HDAC7: variants seen among roughly 807,000 people sequenced by gnomAD.
The protein encoded by HDAC7 is histone deacetylase 7.
HDAC7 carries 26 observed loss-of-function variants against 115.5 expected under a neutral mutation model. That is an observed-to-expected ratio of 0.23 (90% confidence interval 0.16 to 0.31). HDAC7 has a LOEUF of 0.31. Ranked by LOEUF, HDAC7 falls within the 10% of genes least tolerant of loss-of-function variation. HDAC7 has a pLI of 1.00. For synonymous variants in HDAC7, 564 were observed against 550.9 expected, an observed-to-expected ratio of 1.02 and a Z score of -0.33; for missense variants, 1,068 against 1,329.0, an observed-to-expected ratio of 0.80 and a Z score of 3.05.
chr12:47,792,648 A>G (rs1943592570), intron 13 of HDAC7: 2 of 455,936 alleles, frequency 4.4e-6, no homozygotes, highest in Non-Finnish European at 8.8e-6. Flanking sequence ...TGACCCAGGA[A>G]TGCTACTTCT....
At chr12:47,788,781 A>T (rs778567597) in intron 19 of HDAC7, 1 of 157,362 alleles carries the variant, frequency 6.4e-6, no homozygotes, top group African/African-American at 2.4e-5. Context: ...GTTCAAATCC[A>T]TCTCATGACT....
chr12:47,791,482 A>C (rs1943507597), intron 15 of HDAC7, 104 bp downstream of exon 15: 3 of 1,468,688 alleles, frequency 2.0e-6, no homozygotes, highest in Non-Finnish European at 2.8e-6. Flanking sequence ...AGGGACGTCC[A>C]GGGTGCAGGA....
chr12:47,815,118 C>T (rs1428340986), intron 1 of HDAC7, among the ~76,000 whole-genome samples: 2 of 152,198 alleles, frequency 1.3e-5, no homozygotes, highest in Non-Finnish European at 2.9e-5. Context: ...GTGACTGGCT[C>T]AGCAACATGG....
rs190831242 is a variant in HDAC7 at position 47,793,221 on chromosome 12, G to A, written c.1678+148C>T. On this transcript the variant is annotated intron_variant, in intron 13 of 25. Coordinates refer to ENST00000080059, the MANE Select transcript of HDAC7 (RefSeq NM_015401.5). The surrounding 1 kb of genome is among the most constrained non-coding windows in gnomAD (Gnocchi z 4.5). ...CATCGGCCAAATGCAATAACCAGCTGTTCCATGTGCTCCATGGGTACTACG... is the reference window on the plus strand; with the variant it reads ...CATCGGCCAAATGCAATAACCAGCTATTCCATGTGCTCCATGGGTACTACG... 371 of 602,254 alleles carry A rather than the reference G, an allele frequency of 6.2e-4. No homozygotes were observed. The highest frequency in any genetic ancestry group is 8.4e-4 in the Non-Finnish European group (298 of 356,090). The allele number at this position is 602,254 out of a possible 1,614,324, so 37.3% of individuals were successfully genotyped here. A position where few individuals can be genotyped will look rare whatever the true frequency, so the allele number is the denominator to read the frequency against.
intron 1 of HDAC7, among the ~76,000 whole-genome samples, chr12:47,814,396 A>T (rs1489349966): frequency 6.6e-6 from 1 of 152,238 alleles, no homozygotes; most frequent in Non-Finnish European, 1.5e-5. Flanking sequence ...AGGCTAGACC[A>T]GAGGGAAGGG....
rs770895438 is a variant in HDAC7, at chr12:47,789,870, G to C, written c.2034C>G (p.Arg678=). Residue 678 remains arginine, a synonymous_variant, in exon 17 of 26, where the codon CGC becomes CGG. Coordinates refer to ENST00000080059, the MANE Select transcript of HDAC7 (RefSeq NM_015401.5). ...GGTCAGTGACACTGCCAGCGGCCCA[G>C]CGGGCTGCATTGGAGGAATGAAGCT... ...WNELHSSNAA[R]WAAGSVTDLA... The C allele has an allele frequency of 6.2e-7, 1 of 1,613,872 alleles. No homozygotes were observed. Among genetic ancestry groups the C allele is most frequent in the South Asian group, 1.1e-5 (1 of 91,086 alleles).
chr12:47,796,199 G>C lies in HDAC7; in HGVS notation c.795+8C>G. ...CCCCAGGAGAGCCCAGTCTCGGCAA[G>C]GCCTTACCTCCGAGCCCAGGATGGG... On this transcript the variant is annotated splice_region_variant and intron_variant, in intron 8 of 25. Transcript: ENST00000080059. The C allele has an allele frequency of 6.2e-7, 1 of 1,603,632 alleles. No homozygotes were observed. The highest frequency in any genetic ancestry group is 8.5e-7 in the Non-Finnish European group (1 of 1,176,174).
rs953274735 is a variant in HDAC7, at chr12:47,791,268, A to C, written c.1974T>G (p.Gly658=). The C allele has an allele frequency of 6.2e-7, 1 of 1,600,802 alleles. No individual in the cohort carries two copies. Among genetic ancestry groups the C allele is most frequent in the Non-Finnish European group, 8.5e-7 (1 of 1,173,960 alleles). The part of the protein sequence containing the change: ...AQRMFVMLPC[G]GVGVDTDTIW... ...CCCTGGGCACACTTACCCCAACCCC[A>C]CCACAGGGCAGCATCACAAACATCC... Residue 658 remains glycine, a synonymous_variant, in exon 16 of 26, where the codon GGT becomes GGG. Transcript: ENST00000080059.
At chr12:47,788,915 T>C (rs1943321113) in intron 19 of HDAC7, 2 of 263,668 alleles carry the variant, frequency 7.6e-6, no homozygotes, top group Non-Finnish European at 1.5e-5. Flanking sequence ...ATTAGTGGTG[T>C]ACTGATGTTA....
intron 1 of HDAC7, among the ~76,000 whole-genome samples, chr12:47,805,048 C>A (rs1338338776): frequency 1.3e-5 from 2 of 151,830 alleles, no homozygotes; most frequent in Admixed American, 6.6e-5. Flanking sequence ...CGCCCCCCTC[C>A]CGATGCCTCC....
intron 20 of HDAC7, 63 bp downstream of exon 20, chr12:47,787,982 G>A (rs772145562): frequency 9.4e-6 from 15 of 1,592,460 alleles, no homozygotes; most frequent in Non-Finnish European, 1.3e-5. Context: ...TCATGACAGA[G>A]GCAGAGTAAG....
chr12:47,797,373 G>C lies in HDAC7; in HGVS notation c.577+11C>G. 1 of 1,584,442 alleles carries C rather than the reference G, an allele frequency of 6.3e-7. No homozygotes were observed. The highest frequency in any genetic ancestry group is 8.6e-7 in the Non-Finnish European group (1 of 1,161,042). ...CTTTGCCTGAAAGGTCCGCCTGTTT[G>C]TTCAGCTCACCTGTCTTGCGCAGAG... On this transcript the variant is annotated intron_variant, in intron 6 of 25. Coordinates refer to ENST00000080059, the MANE Select transcript of HDAC7 (RefSeq NM_015401.5). The surrounding 1 kb of genome is among the most constrained non-coding windows in gnomAD (Gnocchi z 5.5).
intron 1 of HDAC7, among the ~76,000 whole-genome samples, chr12:47,819,476 C>T (rs1459924936): frequency 6.6e-6 from 1 of 151,998 alleles, no homozygotes; most frequent in African/African-American, 2.4e-5. Flanking sequence ...CCTCCAACTC[C>T]CTCCCTTGGG....
chr12:47,790,346 C>G (rs938579547), intron 16 of HDAC7: 3 of 188,260 alleles, frequency 1.6e-5, no homozygotes, highest in Admixed American at 1.6e-4. Context: ...GGCTGGGAGG[C>G]CCCCCAAACC....
In HDAC7 at chr12:47,798,510, G is replaced by A. The variant is rs969150312; in HGVS notation, c.349+52C>T. 5.2e-6 allele frequency: 8 copies of A among 1,535,962 alleles called. No homozygotes were observed. The highest frequency in any genetic ancestry group is 2.7e-5 in the African/African-American group (2 of 73,488). On this transcript the variant is annotated intron_variant, in intron 4 of 25. Transcript: ENST00000080059. This position sits in a 1 kb window ranked among gnomAD's most constrained non-coding sequence, Gnocchi z 4.3. ...CCCCTCACAAGCCACACAGGCAGCCGCAGGCACCTGGCTGGTGGGGCTGGG... is the reference window on the plus strand; with the variant it reads ...CCCCTCACAAGCCACACAGGCAGCCACAGGCACCTGGCTGGTGGGGCTGGG...
chr12:47,819,743 G>T, intron 1 of HDAC7, 24 bp downstream of exon 1: 2 of 802,096 alleles, frequency 2.5e-6, no homozygotes, highest in Non-Finnish European at 3.1e-6. Flanking sequence ...AGGGCGGGGC[G>T]GGGGGCGGCC....
chr12:47,791,405 G>GC (rs1418266372), intron 15 of HDAC7, 97 bp from the exon 16 acceptor site: 34 of 1,400,488 alleles, frequency 2.4e-5, no homozygotes, highest in Non-Finnish European at 1.9e-5. Context: ...GGTGAGTATT[G>GC]GGGGAGAGAA....
chr12:47,785,578 G>A, intron 23 of HDAC7, 107 bp from the exon 24 acceptor site: 1 of 1,361,030 alleles, frequency 7.3e-7, no homozygotes, highest in East Asian at 2.3e-5. Context: ...CTCTACCTAG[G>A]CCAGGAGATG....
At chr12:47,801,352 C>T (rs1944156378) in intron 2 of HDAC7, among the ~76,000 whole-genome samples, 1 of 152,228 alleles carries the variant, frequency 6.6e-6, no homozygotes, top group Non-Finnish European at 1.5e-5. Context: ...CAGTGTCTCT[C>T]CTAAAATGTC....
Sources: gnomAD v4.1 joint callset for allele counts (sites outside exome capture counted in the v4.1 genomes callset) on GRCh38, gnomAD v4.1.1 for gene constraint, Gnocchi (gnomAD v3.1) non-coding constraint, MANE v1.5 for transcripts, NCBI Gene and HGNC (gene_info 2026-07-23, HGNC 2026-07-21) for gene names.